Variants in SOBP observed in about 807,000 individuals in gnomAD.
SOBP encodes the protein sine oculis binding protein homolog, also known as sine oculis-binding protein homolog.
Under a neutral mutation model 53.6 loss-of-function variants are expected in SOBP, and 4 were observed. The observed-to-expected ratio is 0.07, with a 90% CI of 0.04 to 0.17. The LOEUF (loss-of-function observed/expected upper bound fraction) is 0.17, where lower values mean the gene tolerates loss of function less well. Among genes scored for constraint, SOBP ranks in the 10% least tolerant of loss-of-function variants. SOBP has a pLI of 1.00. For missense variants in SOBP, 1,088 were observed against 1,204.7 expected (o/e 0.90, Z 1.43); for synonymous variants, 584 against 522.6 (o/e 1.12, Z -1.60).
At chr6:107,639,225 A>G (rs1368606902) in intron 6 of SOBP, among the ~76,000 whole-genome samples, 1 of 152,236 alleles carries the variant, frequency 6.6e-6, no homozygotes, top group Non-Finnish European at 1.5e-5. Flanking sequence ...TAAAAAAATC[A>G]TTTAAAATAG....
chr6:107,586,476 T>C (rs1176082787), intron 4 of SOBP, among the ~76,000 whole-genome samples: 1 of 151,946 alleles, frequency 6.6e-6, no homozygotes, highest in Admixed American at 6.6e-5. Context: ...ACAGCGTAGA[T>C]CAAAATAACC....
chr6:107,657,353 A>AC (rs1040561933), intron 6 of SOBP, among the ~76,000 whole-genome samples: 7 of 151,966 alleles, frequency 4.6e-5, no homozygotes, highest in African/African-American at 1.2e-4. Flanking sequence ...CTGCCCTGGG[A>AC]CCCCAAGGCT....
chr6:107,642,071 C>A (rs1583304420), intron 6 of SOBP, among the ~76,000 whole-genome samples: 1 of 152,164 alleles, frequency 6.6e-6, no homozygotes, highest in Admixed American at 6.5e-5. Flanking sequence ...AGGGCATAAA[C>A]GAAATTCATT....
intron 6 of SOBP, among the ~76,000 whole-genome samples, chr6:107,651,416 C>T (rs1771797531): frequency 6.6e-6 from 1 of 152,140 alleles, no homozygotes; most frequent in South Asian, 2.1e-4. Flanking sequence ...TAATCCAGAG[C>T]AAGGCCCTAA....
At chr6:107,606,069 CCTT>C (rs1786364117) in intron 5 of SOBP, among the ~76,000 whole-genome samples, 1 of 110,514 alleles carries the variant, frequency 9.0e-6, no homozygotes, top group African/African-American at 3.3e-5. Context: ...CAGATAGGCT[CCTT>C]TTTTTTTTTT....
At chr6:107,551,418 A>G (rs760028499) in intron 4 of SOBP, among the ~76,000 whole-genome samples, 8 of 152,176 alleles carry the variant, frequency 5.3e-5, no homozygotes, top group Non-Finnish European at 7.3e-5. Flanking sequence ...TTTAGTACGC[A>G]CACACACACA....
intron 5 of SOBP, among the ~76,000 whole-genome samples, chr6:107,588,333 GCA>G (rs1785631043): frequency 1.3e-5 from 2 of 152,168 alleles, no homozygotes; most frequent in African/African-American, 2.4e-5. Context: ...TCCACAGTCT[GCA>G]CAGTTACAAT....
chr6:107,580,748 A>G lies in SOBP; in HGVS notation c.574-6332A>G, dbSNP rs114962508. On this transcript the variant is annotated intron_variant, in intron 4 of 6. Transcript: ENST00000317357. ...GCAAAAAGATGATTGGCCAAAGTCC[A>G]AATTGAGTGCAAGATCTTCTGTGAG... is the stretch of plus-strand genomic sequence containing the variant. Among the ~76,000 whole-genome samples, 355 of 152,360 alleles carry G rather than the reference A, an allele frequency of 2.3e-3. 1 individual carries two copies. The highest frequency in any genetic ancestry group is 8.1e-3 in the African/African-American group (337 of 41,586).
At chr6:107,516,249 G>T (rs1005727046) in intron 3 of SOBP, among the ~76,000 whole-genome samples, 1 of 152,108 alleles carries the variant, frequency 6.6e-6, no homozygotes, top group African/African-American at 2.4e-5. Flanking sequence ...ATCACTTGAC[G>T]ACAGGAGTTC....
chr6:107,541,041 T>C (rs1784133812), intron 4 of SOBP, among the ~76,000 whole-genome samples: 1 of 152,188 alleles, frequency 6.6e-6, no homozygotes, highest in African/African-American at 2.4e-5. Flanking sequence ...GAAAAGTAAA[T>C]AGCGGAATAA....
intron 4 of SOBP, among the ~76,000 whole-genome samples, chr6:107,540,999 C>T (rs1019297081): frequency 1.3e-5 from 2 of 152,142 alleles, no homozygotes; most frequent in African/African-American, 4.8e-5. Context: ...TTTGTTCTAA[C>T]AGGTAGTGTC....
rs755327995 is a variant in SOBP, at chr6:107,614,823, G to C, written c.670-18691G>C. 6.6e-4 allele frequency among the ~76,000 whole-genome samples: 101 copies of C among 152,328 alleles called. 3 individuals are homozygous for C. The Middle Eastern group carries it at 0.058, about 88-fold the overall frequency. On this transcript the variant is annotated intron_variant, in intron 5 of 6. Transcript: ENST00000317357. Reference sequence around the variant, plus strand: ...CGGTATCAAAAGGGAATTTGATGTTGATCTATTGTGTTAGCTGTTTTAAAA... The same window carrying C: ...CGGTATCAAAAGGGAATTTGATGTTCATCTATTGTGTTAGCTGTTTTAAAA...
intron 4 of SOBP, among the ~76,000 whole-genome samples, chr6:107,563,677 GA>G (rs1195519315): frequency 0.022 from 3,190 of 142,020 alleles, 106 homozygotes; most frequent in African/African-American, 0.077. Context: ...TATTTCTATT[GA>G]AAAAAAAAAA....
Sources: allele counts gnomAD v4.1 joint callset (sites outside exome capture counted in the v4.1 genomes callset), GRCh38; gene constraint gnomAD v4.1.1; transcripts MANE v1.5; gene names NCBI Gene and HGNC (gene_info 2026-07-23, HGNC 2026-07-21).